FAM171A1: variants seen among roughly 807,000 people sequenced by gnomAD.
FAM171A1 encodes family with sequence similarity 171 member A1.
FAM171A1 carries 23 observed loss-of-function variants against 74.9 expected under a neutral mutation model. The observed-to-expected ratio is 0.31, with a 90% CI of 0.22 to 0.44. The LOEUF (loss-of-function observed/expected upper bound fraction) is 0.44, where lower values mean the gene tolerates loss of function less well. FAM171A1 is among the 20% of genes least tolerant of loss of function. The pLI is 1.00. For missense variants in FAM171A1, 1,162 were observed against 1,159.2 expected, an observed-to-expected ratio of 1.00 and a Z score of -0.03; for synonymous variants, 527 against 505.7, an observed-to-expected ratio of 1.04 and a Z score of -0.57.
At chr10:15,323,098 C>T (rs1457795896) in intron 1 of FAM171A1, among the ~76,000 whole-genome samples, 1 of 151,256 alleles carries the variant, frequency 6.6e-6, no homozygotes, top group Non-Finnish European at 1.5e-5. Context: ...TGACATCACA[C>T]CGCTGCACTC....
At chr10:15,299,318 A>G (rs192262123) in intron 1 of FAM171A1, among the ~76,000 whole-genome samples, 15 of 152,292 alleles carry the variant, frequency 9.8e-5, no homozygotes, top group East Asian at 7.7e-4. Context: ...AGTATTAAGC[A>G]TGTCTATGAA....
chr10:15,362,057 G>A (rs1836001211), intron 1 of FAM171A1, among the ~76,000 whole-genome samples: 1 of 152,152 alleles, frequency 6.6e-6, no homozygotes, highest in African/African-American at 2.4e-5. Flanking sequence ...GATCTTGCTA[G>A]TTCTCACATT....
At chr10:15,294,100 G>A (rs1288885881) in intron 1 of FAM171A1, among the ~76,000 whole-genome samples, 1 of 152,226 alleles carries the variant, frequency 6.6e-6, no homozygotes, top group African/African-American at 2.4e-5. Flanking sequence ...TCCCGGAAGA[G>A]TCACACCACA....
At chr10:15,330,959 G>A (rs978091173) in intron 1 of FAM171A1, among the ~76,000 whole-genome samples, 15 of 151,696 alleles carry the variant, frequency 9.9e-5, no homozygotes, top group Non-Finnish European at 1.5e-4. Flanking sequence ...GCATGATCTC[G>A]GCTCACTGCA....
intron 1 of FAM171A1, among the ~76,000 whole-genome samples, chr10:15,319,668 G>A (rs555513939): frequency 1.3e-5 from 2 of 152,222 alleles, no homozygotes; most frequent in South Asian, 4.1e-4. Context: ...CCTGACCTCA[G>A]GTGGTCTGCC....
intron 1 of FAM171A1, among the ~76,000 whole-genome samples, chr10:15,331,169 G>A (rs1389069787): frequency 6.6e-6 from 1 of 152,170 alleles, no homozygotes; most frequent in African/African-American, 2.4e-5. Context: ...GATTACAGGT[G>A]TGAGCCACCG....
intron 1 of FAM171A1, among the ~76,000 whole-genome samples, chr10:15,366,743 T>A (rs539921886): frequency 8.5e-5 from 13 of 152,396 alleles, no homozygotes; most frequent in African/African-American, 2.6e-4. Flanking sequence ...CTGCTGTCTA[T>A]CCAGTTTATT....
intron 1 of FAM171A1, among the ~76,000 whole-genome samples, chr10:15,342,357 G>A (rs1835773969): frequency 1.3e-5 from 2 of 152,216 alleles, no homozygotes; most frequent in Non-Finnish European, 2.9e-5. Flanking sequence ...ATCGCTTGCA[G>A]TCAGGAGTTC....
intron 1 of FAM171A1, among the ~76,000 whole-genome samples, chr10:15,354,704 T>C (rs1835914746): frequency 6.6e-6 from 1 of 152,194 alleles, no homozygotes; most frequent in Non-Finnish European, 1.5e-5. Context: ...CAGAATTGCT[T>C]TGACATCATG....
chr10:15,289,324 C>T (rs190341958), intron 1 of FAM171A1, among the ~76,000 whole-genome samples: 4 of 152,192 alleles, frequency 2.6e-5, no homozygotes, highest in South Asian at 2.1e-4. Context: ...CCTAAATATG[C>T]CCTAGGGTGC....
intron 1 of FAM171A1, among the ~76,000 whole-genome samples, chr10:15,327,891 C>T (rs1467474946): frequency 6.6e-6 from 1 of 151,030 alleles, no homozygotes; most frequent in Non-Finnish European, 1.5e-5. Context: ...ACACAATTTA[C>T]CCATATCACA....
At chr10:15,356,480 T>C (rs1236044727) in intron 1 of FAM171A1, among the ~76,000 whole-genome samples, 1 of 152,086 alleles carries the variant, frequency 6.6e-6, no homozygotes, top group Non-Finnish European at 1.5e-5. Flanking sequence ...ATGAAAAATA[T>C]TGTCCATGGA....
intron 1 of FAM171A1, among the ~76,000 whole-genome samples, chr10:15,295,116 T>C (rs1387525728): frequency 6.6e-6 from 1 of 152,136 alleles, no homozygotes; most frequent in East Asian, 1.9e-4. Context: ...TTTTTATTTT[T>C]AGTAGAGGCG....
intron 1 of FAM171A1, among the ~76,000 whole-genome samples, chr10:15,321,670 A>C (rs1835488243): frequency 6.6e-6 from 1 of 152,268 alleles, no homozygotes; most frequent in Non-Finnish European, 1.5e-5. Context: ...ATTCCTGGTC[A>C]GAAGCCTGAA....
intron 1 of FAM171A1, among the ~76,000 whole-genome samples, chr10:15,312,671 GTGTTT>G (rs1835374485): frequency 1.2e-4 from 6 of 51,880 alleles, no homozygotes; most frequent in African/African-American, 3.7e-4. Context: ...TCAGCACTGT[GTGTTT>G]TTTTTTTTTT....
intron 1 of FAM171A1, among the ~76,000 whole-genome samples, chr10:15,338,962 C>T (rs573472842): frequency 1.3e-5 from 2 of 152,286 alleles, no homozygotes; most frequent in South Asian, 4.1e-4. Flanking sequence ...TGGTCTTGAA[C>T]TCCTGACCTC....
intron 1 of FAM171A1, among the ~76,000 whole-genome samples, chr10:15,335,266 A>G (rs1424732313): frequency 6.6e-6 from 1 of 151,924 alleles, no homozygotes; most frequent in East Asian, 1.9e-4. Context: ...ACAAACGACA[A>G]ACAAACAAAC....
chr10:15,261,537 CTTGA>C (rs987561083), intron 3 of FAM171A1, among the ~76,000 whole-genome samples: 3 of 152,168 alleles, frequency 2.0e-5, no homozygotes, highest in African/African-American at 7.2e-5. Context: ...ATGGAAACGG[CTTGA>C]TTATCATAGT....
intron 1 of FAM171A1, among the ~76,000 whole-genome samples, chr10:15,284,355 T>C (rs1835009766): frequency 6.6e-6 from 1 of 152,116 alleles, no homozygotes; most frequent in African/African-American, 2.4e-5. Flanking sequence ...CCTGCTCAAA[T>C]CAACAAATGA....
Sources: allele counts gnomAD v4.1 joint callset (sites outside exome capture counted in the v4.1 genomes callset), GRCh38; gene constraint gnomAD v4.1.1; transcripts MANE v1.5; gene names NCBI Gene and HGNC (gene_info 2026-07-23, HGNC 2026-07-21).